Variants in CHCHD3 observed in about 807,000 individuals in gnomAD.
The protein encoded by CHCHD3 is MICOS complex subunit MIC19.
Under a neutral mutation model 38.2 loss-of-function variants are expected in CHCHD3, and 20 were observed. The observed-to-expected ratio is 0.52, with a 90% CI of 0.37 to 0.76. CHCHD3 has a LOEUF of 0.76. Ranked by LOEUF, CHCHD3 falls within the 30% of genes least tolerant of loss-of-function variation. The probability of loss-of-function intolerance (pLI) is 0.00; values close to 1 mark genes in which losing one functional copy is unlikely to be tolerated. For synonymous variants in CHCHD3, 82 were observed against 100.0 expected (o/e 0.82, Z 1.07); for missense variants, 245 against 279.2 (o/e 0.88, Z 0.87).
At chr7:132,998,351 T>C (rs1257186343) in intron 3 of CHCHD3, among the ~76,000 whole-genome samples, 6 of 152,174 alleles carry the variant, frequency 3.9e-5, no homozygotes, top group Admixed American at 3.3e-4. Flanking sequence ...AGAAGAAAAA[T>C]GTGGTTTGGA....
intron 6 of CHCHD3, among the ~76,000 whole-genome samples, chr7:132,822,956 A>G (rs866217702): frequency 1.3e-5 from 2 of 152,264 alleles, no homozygotes; most frequent in African/African-American, 2.4e-5. Context: ...GATTTAAAAG[A>G]AGGCGTTGAA....
At chr7:133,025,741 T>C (rs527766821) in intron 2 of CHCHD3, among the ~76,000 whole-genome samples, 30 of 152,306 alleles carry the variant, frequency 2.0e-4, no homozygotes, top group African/African-American at 6.5e-4. Context: ...CCTGACCTCA[T>C]GATCCGCCCA....
At chr7:132,823,386 G>A (rs182155459) in intron 6 of CHCHD3, among the ~76,000 whole-genome samples, 206 of 152,184 alleles carry the variant, frequency 1.4e-3, no homozygotes, top group Middle Eastern at 6.8e-3. Flanking sequence ...CTTAGGCACA[G>A]TAACAGACTA....
intron 4 of CHCHD3, among the ~76,000 whole-genome samples, chr7:132,923,391 T>C (rs752743203): frequency 1.3e-5 from 2 of 152,104 alleles, no homozygotes; most frequent in African/African-American, 4.8e-5. Flanking sequence ...CCTTTCCATA[T>C]GGATAAGAGA....
At chr7:132,944,177 C>A (rs556221375) in intron 4 of CHCHD3, among the ~76,000 whole-genome samples, 16 of 151,916 alleles carry the variant, frequency 1.1e-4, no homozygotes, top group Non-Finnish European at 2.1e-4. Flanking sequence ...TTCTCAAATC[C>A]TCCCCTTTAA....
At chr7:133,057,125 C>T (rs2117512295) in intron 2 of CHCHD3, among the ~76,000 whole-genome samples, 1 of 152,256 alleles carries the variant, frequency 6.6e-6, no homozygotes, top group South Asian at 2.1e-4. Context: ...TCTGGTTCGG[C>T]TGGTTCAAGT....
At chr7:133,055,431 T>A (rs2343610) in intron 2 of CHCHD3, among the ~76,000 whole-genome samples, 106,281 of 143,920 alleles carry the variant, frequency 0.74, 39,475 homozygotes, top group African/African-American at 0.82. Context: ...CATAATTATA[T>A]TTGTTATGTA....
At chr7:132,902,525 G>C (rs980781759) in intron 4 of CHCHD3, among the ~76,000 whole-genome samples, 14 of 152,162 alleles carry the variant, frequency 9.2e-5, no homozygotes, top group African/African-American at 3.4e-4. Context: ...GCTGGGACAT[G>C]GATGAAGCTG....
At chr7:132,999,521 A>G (rs1280421689) in intron 3 of CHCHD3, among the ~76,000 whole-genome samples, 1 of 152,180 alleles carries the variant, frequency 6.6e-6, no homozygotes, top group East Asian at 1.9e-4. Flanking sequence ...GGCACTTTGT[A>G]TATTGCCTTA....
intron 3 of CHCHD3, among the ~76,000 whole-genome samples, chr7:132,982,008 G>A (rs7781843): frequency 0.21 from 31,926 of 152,004 alleles, 3,652 homozygotes; most frequent in South Asian, 0.28. Context: ...TTATTTTAAC[G>A]CATCATATTT....
Position 132,883,879 on chromosome 7 carries a change from A to C in CHCHD3, c.453+1783T>G, listed in dbSNP as rs189527405. On this transcript the variant is annotated intron_variant, in intron 5 of 7. Coordinates refer to ENST00000262570, the MANE Select transcript of CHCHD3 (RefSeq NM_017812.4). ...AAACTCCTGATTTCCTCCACCACCA[A>C]CATCCCAATCCATATCTTAAGAATC... 3.3e-4 allele frequency among the ~76,000 whole-genome samples: 51 copies of C among 152,282 alleles called. No homozygotes were observed. In the East Asian group the frequency reaches 7.9e-3, roughly 24 times the overall value.
chr7:132,792,935 C>T (rs1016119349), intron 7 of CHCHD3, among the ~76,000 whole-genome samples: 26 of 152,184 alleles, frequency 1.7e-4, no homozygotes, highest in African/African-American at 6.3e-4. Context: ...CCCAATGCAG[C>T]CCAATTCTAC....
At chr7:133,048,204 T>C (rs1814052454) in intron 2 of CHCHD3, among the ~76,000 whole-genome samples, 1 of 151,688 alleles carries the variant, frequency 6.6e-6, no homozygotes, top group South Asian at 2.1e-4. Context: ...CCATGAGCTG[T>C]GGGGATAAAG....
At chr7:132,860,744 G>A (rs998165451) in intron 5 of CHCHD3, among the ~76,000 whole-genome samples, 5 of 151,598 alleles carry the variant, frequency 3.3e-5, no homozygotes, top group Admixed American at 6.6e-5. Flanking sequence ...CTCCTGCCTC[G>A]GCCTCCCAAA....
chr7:132,984,102 C>CTCCCTCTCTTTTCACGGTCTCCCT, intron 3 of CHCHD3, among the ~76,000 whole-genome samples: 1 of 119,490 alleles, frequency 8.4e-6, no homozygotes, highest in East Asian at 2.5e-4. Flanking sequence ...ACGGTCTCCC[C>CTCCCTCTCTTTTCACGGTCTCCCT]CTGATGCCGA....
intron 4 of CHCHD3, among the ~76,000 whole-genome samples, chr7:132,951,691 G>A (rs947241264): frequency 3.3e-5 from 5 of 152,144 alleles, no homozygotes; most frequent in African/African-American, 9.7e-5. Flanking sequence ...CTATAGGACT[G>A]GATATCAAAA....
chr7:132,881,159 G>C (rs1809042832), intron 5 of CHCHD3, among the ~76,000 whole-genome samples: 1 of 152,048 alleles, frequency 6.6e-6, no homozygotes, highest in Admixed American at 6.6e-5. Flanking sequence ...TTCTAAAAAG[G>C]GTGAAATCAG....
chr7:132,957,579 T>A (rs534807044), intron 4 of CHCHD3, among the ~76,000 whole-genome samples: 3 of 151,890 alleles, frequency 2.0e-5, no homozygotes, highest in Admixed American at 2.0e-4. Context: ...GCTTCCTGAG[T>A]TCAAGCGATT....
chr7:132,979,231 G>T (rs1034580123), intron 3 of CHCHD3, among the ~76,000 whole-genome samples: 2 of 152,030 alleles, frequency 1.3e-5, no homozygotes, highest in Non-Finnish European at 2.9e-5. Context: ...AAACAGAGGG[G>T]CATTATATTA....
Sources: allele counts gnomAD v4.1 joint callset (sites outside exome capture counted in the v4.1 genomes callset), GRCh38; gene constraint gnomAD v4.1.1; transcripts MANE v1.5; gene names NCBI Gene and HGNC (gene_info 2026-07-23, HGNC 2026-07-21).